Variants in CFAP65 observed in about 807,000 individuals in gnomAD.
CFAP65 encodes cilia and flagella associated protein 65, also known as cilia- and flagella-associated protein 65.
A neutral mutation model predicts 208.0 loss-of-function variants in CFAP65; 155 were observed. The observed-to-expected ratio is 0.75, with a 90% CI of 0.65 to 0.85. The LOEUF is 0.85. Ranked by LOEUF, CFAP65 falls within the 40% of genes least tolerant of loss-of-function variation. The pLI is 0.00. For missense variants in CFAP65, 2,294 were observed against 2,451.3 expected (o/e 0.94, Z 1.36); for synonymous variants, 970 against 986.3 (o/e 0.98, Z 0.31).
At position 219,004,511 on chromosome 2, in the gene CFAP65, G is replaced by A; in HGVS notation, c.5052-56C>T. Reference sequence around the variant, plus strand: ...GCTGAGGGGCCCTGAAGCCCCTGGGGAGCCCTGGCTTCAGAGCTAGGTTCT... The same window carrying A: ...GCTGAGGGGCCCTGAAGCCCCTGGGAAGCCCTGGCTTCAGAGCTAGGTTCT... On this transcript the variant is annotated intron_variant, in intron 32 of 34. Transcript: ENST00000341552. The surrounding 1 kb of genome is among the most constrained non-coding windows in gnomAD (Gnocchi z 4.7). 3.3e-6 allele frequency: 5 copies of A among 1,537,276 alleles called. No individual in the cohort carries two copies. The highest frequency in any genetic ancestry group is 4.4e-6 in the Non-Finnish European group (5 of 1,146,386).
rs59981724 is a variant in CFAP65 at position 219,020,047 on chromosome 2, G to GTT, written c.3260-330_3260-329dup. On this transcript the variant is annotated intron_variant, in intron 19 of 34. Coordinates refer to ENST00000341552, the MANE Select transcript of CFAP65 (RefSeq NM_194302.4). ...TTACCCTTTTAACACATACAATTCAGTTTTTTTTTTTTTGTATATTCACAG... is the reference window on the plus strand; with the variant it reads ...TTACCCTTTTAACACATACAATTCAGTTTTTTTTTTTTTTTGTATATTCACAG... 7.4e-3 allele frequency among the ~76,000 whole-genome samples: 1,077 copies of GTT among 145,012 alleles called. 15 individuals carry two copies. The highest frequency in any genetic ancestry group is 0.025 in the African/African-American group (984 of 39,650).
Position 219,009,944 on chromosome 2 carries a change from C to T in CFAP65, c.4450G>A (p.Glu1484Lys), listed in dbSNP as rs1227351871. Residue 1484 changes from glutamate to lysine, a missense_variant and splice_region_variant, in exon 27 of 35, where the codon GAG becomes AAG. Physicochemically the swap from Glu to Lys is moderately conservative, Grantham distance 56 (BLOSUM62 1). Around this residue, in one of 2 missense-constraint regions of CFAP65, gnomAD observed 1,427 missense variants for 1,438.7 expected, o/e 0.99. Coordinates refer to ENST00000341552, the MANE Select transcript of CFAP65 (RefSeq NM_194302.4). ...SWQPSPLDFG[E>K]VSVSPMIGVV... ...TCCAGGGCTCAGGGGACTCTCACCT[C>T]CCCAAAATCTAGAGGACTTGGCTGC... 3 of 1,607,966 alleles carry T rather than the reference C, an allele frequency of 1.9e-6. No individual in the cohort carries two copies. The highest frequency in any genetic ancestry group is 2.7e-5 in the African/African-American group (2 of 74,676).
In CFAP65 at chr2:219,027,730, T is replaced by C; in HGVS notation, c.2131A>G (p.Met711Val). ...ESCDVPPLKS[M>V]AMRLHFQPPH... ...GGCTGGAAGTGCAGGCGCATGGCCA[T>C]GGACTTGAGTGGGGGCACGTCGCAG... Residue 711 changes from methionine (M) to valine (V), a missense_variant, in exon 13 of 35, where the codon ATG (methionine) becomes GTG (valine). Transcript: ENST00000341552. 1.9e-6 allele frequency: 3 copies of C among 1,614,062 alleles called. No individual in the cohort carries two copies. Among genetic ancestry groups the C allele is most frequent in the East Asian group, 2.2e-5 (1 of 44,880 alleles).
At position 219,010,882 on chromosome 2, in the gene CFAP65, G is replaced by A. The variant is rs1419863515; in HGVS notation, c.4072C>T (p.Pro1358Ser). The A allele has an allele frequency of 1.2e-6, 2 of 1,613,786 alleles. No homozygotes were observed. The highest frequency in any genetic ancestry group is 1.7e-5 in the Admixed American group (1 of 60,028). ...CTGCCTGGCTGGATCTCCCCTTTGG[G>A]GTTGAGGCAGCAAAAGATGGGGTGA... ...FDHPIFCCLN[P>S]KGEIQPGSTA... Residue 1358 changes from proline (P) to serine (S), a missense_variant, in exon 25 of 35, where the codon CCC becomes TCC. This residue lies in a region of CFAP65 where 1,427 missense variants were observed against 1,438.7 expected (regional missense o/e 0.99). Transcript: ENST00000341552.
At chr2:219,009,311 C>G in intron 28 of CFAP65, 36 bp downstream of exon 28, 1 of 1,524,132 alleles carries the variant, frequency 6.6e-7, no homozygotes, top group Non-Finnish European at 9.1e-7. Context: ...GGGAGCCATG[C>G]CTCCATCCCA....
chr2:219,023,316 C>T lies in CFAP65; in HGVS notation c.2711G>A (p.Arg904His), dbSNP rs760496355. ...CTGCAGGGGCAGACGCGAGGGGTTG[C>T]GGAAGGTGAAGGGGCTGGTGGAGGA... is the stretch of plus-strand genomic sequence containing the variant. ...GCSSTSPFTF[R>H]NPSRLPLQFE... The change falls in exon 16 of 35, where the codon CGC becomes CAC. Residue 904 changes from arginine to histidine, a missense_variant. Transcript: ENST00000341552. 61 of 1,612,782 alleles carry T rather than the reference C, an allele frequency of 3.8e-5. No individual in the cohort carries two copies. In the Middle Eastern group the frequency reaches 1.2e-3, roughly 30 times the overall value.
At chr2:219,035,799 G>A in intron 4 of CFAP65, 135 bp from the exon 5 acceptor site, 1 of 1,439,962 alleles carries the variant, frequency 6.9e-7, no homozygotes, top group Non-Finnish European at 9.1e-7. Context: ...AACGATGATT[G>A]ACACCACCCC....
Position 219,040,576 on chromosome 2 carries a change from C to G in CFAP65, c.-48-12G>C. On this transcript the variant is annotated splice_polypyrimidine_tract_variant and intron_variant, in intron 1 of 34. Coordinates refer to ENST00000341552, the MANE Select transcript of CFAP65 (RefSeq NM_194302.4). ...CAAAGAAATGTAAGCTGAGGAGACA[C>G]AGAGAGAGTCCATTACTTTTCTGCC... The G allele has an allele frequency of 6.4e-7, 1 of 1,552,008 alleles. No individual in the cohort carries two copies. Among genetic ancestry groups the G allele is most frequent in the South Asian group, 1.2e-5 (1 of 84,062 alleles).
rs772344237 is a variant in CFAP65, at chr2:219,004,062, C to T, written c.5445G>A (p.Gly1815=). The change falls in exon 33 of 35, where the codon GGG becomes GGA. Residue 1815 remains glycine (G), a synonymous_variant. Transcript: ENST00000341552. This position sits in a 1 kb window ranked among gnomAD's most constrained non-coding sequence, Gnocchi z 4.7. ...CCTGGGACTCAGGCTGTGGTGTGGG[C>T]CCGATGCCCGCCCAGCTCACTTTCT... The part of the protein sequence containing the change: ...KEEKVSWAGI[G]PTPQPESQES... 22 of 1,613,952 alleles carry T rather than the reference C, an allele frequency of 1.4e-5. No homozygotes were observed. The highest frequency in any genetic ancestry group is 1.7e-5 in the Non-Finnish European group (20 of 1,180,042).
chr2:219,018,721 GAA>G (rs1295880494), intron 21 of CFAP65: 2 of 302,228 alleles, frequency 6.6e-6, no homozygotes, highest in Non-Finnish European at 6.3e-6. Context: ...GATTGGAGGA[GAA>G]AAGACTTGTA....
intron 5 of CFAP65, chr2:219,034,225 A>T (rs1161169522): frequency 2.0e-5 from 3 of 152,194 alleles, no homozygotes; most frequent in Non-Finnish European, 4.4e-5. Flanking sequence ...CAAAATCTCA[A>T]GAAGTGTTTT....
chr2:219,003,858 A>C lies in CFAP65; in HGVS notation c.5555+94T>G, dbSNP rs939649910. 4.1e-6 allele frequency: 6 copies of C among 1,457,764 alleles called. No homozygotes were observed. Among genetic ancestry groups the C allele is most frequent in the Non-Finnish European group, 5.6e-6 (6 of 1,068,764 alleles). The allele number at this position is 1,457,764 out of a possible 1,614,324, so 90.3% of individuals were successfully genotyped here. A position where few individuals can be genotyped will look rare whatever the true frequency, so the allele number is the denominator to read the frequency against. On this transcript the variant is annotated intron_variant, in intron 33 of 34. Transcript: ENST00000341552. The surrounding 1 kb of genome is among the most constrained non-coding windows in gnomAD (Gnocchi z 4.4). Reference sequence around the variant, plus strand: ...AGCACTGAATTAGGATGAGATGTGCATACAGGCAGCAGCCATCCTTGGCAT... The same window carrying C: ...AGCACTGAATTAGGATGAGATGTGCCTACAGGCAGCAGCCATCCTTGGCAT...
At chr2:219,024,722 T>C (rs938186080) in intron 14 of CFAP65, among the ~76,000 whole-genome samples, 2 of 152,082 alleles carry the variant, frequency 1.3e-5, no homozygotes, top group African/African-American at 4.8e-5. Context: ...GGATCACTTG[T>C]GGCAGGAGTT....
intron 24 of CFAP65, 120 bp from the exon 25 acceptor site, chr2:219,011,116 C>G: frequency 1.2e-6 from 1 of 838,116 alleles, no homozygotes; most frequent in Non-Finnish European, 1.8e-6. Flanking sequence ...CCCTTTGAGT[C>G]TGTGAGCTCC....
Position 219,003,143 on chromosome 2 carries a change from G to C in CFAP65, c.5685C>G (p.Cys1895Trp). The C allele has an allele frequency of 6.5e-7, 1 of 1,543,654 alleles. No homozygotes were observed. Among genetic ancestry groups the C allele is most frequent in the Non-Finnish European group, 8.8e-7 (1 of 1,142,608 alleles). The change falls in exon 34 of 35, where the codon TGC (cysteine) becomes TGG (tryptophan). Residue 1895 changes from cysteine to tryptophan, a missense_variant. Physicochemically the swap from Cys to Trp is radical, Grantham distance 215. Coordinates refer to ENST00000341552, the MANE Select transcript of CFAP65 (RefSeq NM_194302.4). The surrounding 1 kb of genome is among the most constrained non-coding windows in gnomAD (Gnocchi z 4.4). Reference protein sequence around the residue: ...RPRVIALPPFCVPRSLTPDTL... With the variant: ...RPRVIALPPFWVPRSLTPDTL... ...GGTCCCGGCGCCCTTACCTGGGCAC[G>C]CAGAACGGCGGCAGGGCGATGACGC...
chr2:219,027,295 T>G, intron 13 of CFAP65: 1 of 1,428,220 alleles, frequency 7.0e-7, no homozygotes, highest in South Asian at 1.6e-5. Flanking sequence ...AAAGCTCCTT[T>G]AGAGTGACCA....
At position 219,031,100 on chromosome 2, in the gene CFAP65, C is replaced by T. The variant is rs753353047; in HGVS notation, c.1015+6G>A. 1.3e-5 allele frequency: 20 copies of T among 1,577,074 alleles called. No homozygotes were observed. Among genetic ancestry groups the T allele is most frequent in the Non-Finnish European group, 1.7e-5 (20 of 1,161,226 alleles). Reference sequence around the variant, plus strand: ...AGTCTGGGGACGGTGGGAGGTTGGGCCTCACCCACAGCCTGCAGCTGGATG... The same window carrying T: ...AGTCTGGGGACGGTGGGAGGTTGGGTCTCACCCACAGCCTGCAGCTGGATG... On this transcript the variant is annotated splice_donor_region_variant and intron_variant, in intron 8 of 34. Coordinates refer to ENST00000341552, the MANE Select transcript of CFAP65 (RefSeq NM_194302.4). This position sits in a 1 kb window ranked among gnomAD's most constrained non-coding sequence, Gnocchi z 5.2.
chr2:219,010,534 C>T lies in CFAP65; in HGVS notation c.4308+12G>A. 1.2e-6 allele frequency: 2 copies of T among 1,605,470 alleles called. No individual in the cohort carries two copies. The highest frequency in any genetic ancestry group is 1.7e-6 in the Non-Finnish European group (2 of 1,177,970). On this transcript the variant is annotated intron_variant, in intron 26 of 34. Transcript: ENST00000341552. ...ACAAGGCCTCAGGCCTTCCTAGCTC[C>T]CCTTTCCCCACCTGTCCAGGCACCA...
chr2:219,035,373 T>A (rs371900478), intron 5 of CFAP65, 107 bp downstream of exon 5: 10 of 1,598,886 alleles, frequency 6.3e-6, no homozygotes, highest in Admixed American at 1.8e-5. Context: ...CTGGCTTTTA[T>A]ATGGCATGTT....
Sources: allele counts gnomAD v4.1 joint callset (sites outside exome capture counted in the v4.1 genomes callset), GRCh38; gene constraint gnomAD v4.1.1; regional missense constraint gnomAD v4.1.1; non-coding constraint Gnocchi (gnomAD v3.1); transcripts MANE v1.5; gene names NCBI Gene and HGNC (gene_info 2026-07-23, HGNC 2026-07-21).